DLC1: variants seen among roughly 807,000 people sequenced by gnomAD.
DLC1 encodes the protein DLC1 Rho GTPase activating protein.
DLC1 carries 54 observed loss-of-function variants against 140.3 expected under a neutral mutation model. The observed-to-expected ratio is 0.38, with a 90% CI of 0.31 to 0.48. The LOEUF (loss-of-function observed/expected upper bound fraction) is 0.48. DLC1 is among the 20% of genes least tolerant of loss of function. The pLI, the probability that DLC1 is intolerant of heterozygous loss-of-function variation, is 0.96. For missense variants in DLC1, 2,536 were observed against 1,907.0 expected, an observed-to-expected ratio of 1.33 and a Z score of -6.14; for synonymous variants, 986 against 728.1, an observed-to-expected ratio of 1.35 and a Z score of -5.70.
At chr8:13,244,939 G>C (rs1585992915) in intron 5 of DLC1, among the ~76,000 whole-genome samples, 1 of 152,276 alleles carries the variant, frequency 6.6e-6, no homozygotes, top group East Asian at 1.9e-4. Context: ...TGTTGTTCTT[G>C]TTTTTGTTTC....
chr8:13,245,057 G>T (rs184022231), intron 5 of DLC1, among the ~76,000 whole-genome samples: 2 of 152,274 alleles, frequency 1.3e-5, no homozygotes, highest in South Asian at 2.1e-4. Flanking sequence ...GTAACCAACA[G>T]AATGTAGCTG....
intron 5 of DLC1, among the ~76,000 whole-genome samples, chr8:13,236,557 A>G (rs1585975734): frequency 1.3e-5 from 2 of 152,120 alleles, no homozygotes; most frequent in East Asian, 3.9e-4. Flanking sequence ...GAAAAATAGC[A>G]ATGTATTTGA....
At chr8:13,374,902 G>A (rs920893814) in intron 4 of DLC1, among the ~76,000 whole-genome samples, 1 of 152,162 alleles carries the variant, frequency 6.6e-6, no homozygotes, top group Non-Finnish European at 1.5e-5. Context: ...CCTTGAAGAG[G>A]TCCTTCACAT....
At chr8:13,478,697 A>T (rs1287032195) in intron 2 of DLC1, among the ~76,000 whole-genome samples, 2 of 152,202 alleles carry the variant, frequency 1.3e-5, no homozygotes, top group Non-Finnish European at 2.9e-5. Flanking sequence ...CCTCTACTGA[A>T]TCATTTCTAT....
chr8:13,303,493 T>C (rs1369424602), intron 5 of DLC1, among the ~76,000 whole-genome samples: 1 of 152,172 alleles, frequency 6.6e-6, no homozygotes, highest in East Asian at 1.9e-4. Context: ...ATTTATGTTC[T>C]CTAATTAGTT....
intron 5 of DLC1, among the ~76,000 whole-genome samples, chr8:13,217,294 T>C (rs919844730): frequency 2.0e-5 from 3 of 152,194 alleles, no homozygotes; most frequent in Non-Finnish European, 4.4e-5. Context: ...TGTGACTTTA[T>C]TACTTAATCT....
At chr8:13,156,389 G>A (rs1455708507) in intron 5 of DLC1, among the ~76,000 whole-genome samples, 1 of 152,178 alleles carries the variant, frequency 6.6e-6, no homozygotes, top group Non-Finnish European at 1.5e-5. Flanking sequence ...GTTACAAGGT[G>A]AGAGTGCGCT....
chr8:13,157,049 C>G (rs1046870304), intron 5 of DLC1, among the ~76,000 whole-genome samples: 1 of 152,124 alleles, frequency 6.6e-6, no homozygotes, highest in Non-Finnish European at 1.5e-5. Flanking sequence ...AACCTTGAGA[C>G]TGATTTACCG....
intron 1 of DLC1, among the ~76,000 whole-genome samples, chr8:13,526,020 A>G (rs1304233070): frequency 6.6e-6 from 1 of 152,144 alleles, no homozygotes; most frequent in African/African-American, 2.4e-5. Context: ...TATGGATCAA[A>G]GTTTTTTCTT....
chr8:13,112,683 T>C (rs1051765054), intron 6 of DLC1, among the ~76,000 whole-genome samples: 7 of 152,220 alleles, frequency 4.6e-5, no homozygotes, highest in Non-Finnish European at 8.8e-5. Context: ...TTGAAGGTTG[T>C]GACACTGTAT....
chr8:13,296,990 T>C (rs556167471), intron 5 of DLC1, among the ~76,000 whole-genome samples: 2 of 152,082 alleles, frequency 1.3e-5, no homozygotes, highest in East Asian at 3.9e-4. Flanking sequence ...CTCACCTAAT[T>C]AGCAATAGCA....
At chr8:13,134,018 C>A (rs1478954811) in intron 5 of DLC1, among the ~76,000 whole-genome samples, 2 of 152,202 alleles carry the variant, frequency 1.3e-5, no homozygotes, top group Non-Finnish European at 2.9e-5. Context: ...CCTTGGGCCA[C>A]AGTCCGAATG....
At chr8:13,466,314 C>G (rs1305087785) in intron 2 of DLC1, among the ~76,000 whole-genome samples, 1 of 152,208 alleles carries the variant, frequency 6.6e-6, no homozygotes, top group Non-Finnish European at 1.5e-5. Context: ...TGCAAGGGTG[C>G]TGCCCTCTTT....
chr8:13,495,402 C>G (rs2117182458), intron 2 of DLC1, among the ~76,000 whole-genome samples: 1 of 152,258 alleles, frequency 6.6e-6, no homozygotes, highest in Non-Finnish European at 1.5e-5. Flanking sequence ...TGCTTTTAAC[C>G]AGCCGCCTCA....
chr8:13,272,714 GA>G (rs57652191), intron 5 of DLC1, among the ~76,000 whole-genome samples: 31 of 149,552 alleles, frequency 2.1e-4, no homozygotes, highest in Non-Finnish European at 3.7e-4. Context: ...ACAAAAAATA[GA>G]AAAAAAAAAT....
chr8:13,355,651 A>G (rs1834905794), intron 4 of DLC1, among the ~76,000 whole-genome samples: 1 of 152,184 alleles, frequency 6.6e-6, no homozygotes, highest in Admixed American at 6.5e-5. Flanking sequence ...TTAGGGCTTC[A>G]ATATATGAAT....
At chr8:13,236,309 C>G (rs1447493269) in intron 5 of DLC1, among the ~76,000 whole-genome samples, 1 of 151,988 alleles carries the variant, frequency 6.6e-6, no homozygotes, top group Non-Finnish European at 1.5e-5. Flanking sequence ...CAACTTATTT[C>G]TTTTAACAAT....
intron 1 of DLC1, among the ~76,000 whole-genome samples, chr8:13,527,241 G>C (rs1802945529): frequency 6.6e-6 from 1 of 152,188 alleles, no homozygotes; most frequent in Non-Finnish European, 1.5e-5. Flanking sequence ...AGATGATGTT[G>C]AAGTTGAGAA....
At chr8:13,582,907 T>C (rs1053020380) in intron 1 of DLC1, among the ~76,000 whole-genome samples, 10 of 122,216 alleles carry the variant, frequency 8.2e-5, no homozygotes, top group Non-Finnish European at 1.2e-4. Context: ...TATATATATA[T>C]ATATATATAT....
Sources: gnomAD v4.1 joint callset for allele counts (sites outside exome capture counted in the v4.1 genomes callset) on GRCh38, gnomAD v4.1.1 for gene constraint, MANE v1.5 for transcripts, NCBI Gene and HGNC (gene_info 2026-07-23, HGNC 2026-07-21) for gene names.